The following FAT2 variants were observed in gnomAD, a reference collection of about 807,000 sequenced individuals.
The protein encoded by FAT2 is protocadherin Fat 2.
FAT2 carries 150 observed loss-of-function variants against 295.3 expected under a neutral mutation model. The observed-to-expected ratio is 0.51, with a 90% CI of 0.44 to 0.58. The LOEUF is 0.58. FAT2 is among the 20% of genes least tolerant of loss of function. The pLI is 0.00. For missense variants in FAT2, 4,868 were observed against 5,442.7 expected (o/e 0.89, Z 3.32); for synonymous variants, 2,026 against 2,150.3 (o/e 0.94, Z 1.60).
rs777675801 is a variant in FAT2, at chr5:151,542,635, TG to T, written c.8491del (p.Gln2831ArgfsTer2). ...GTCTGCAGACAGCCTGTAGCTCACC[TG>T]GCCATCTCTCCCAGTGTCCTTGTCA... ...AIDKDTGRDGQVSYRLSADPG... is the reference protein window; with the variant it reads ...AIDKDTGRDGXVSYRLSADPG... On this transcript the variant is annotated frameshift_variant, in exon 10 of 24. Coordinates refer to ENST00000261800, the MANE Select transcript of FAT2 (RefSeq NM_001447.3). LOFTEE classifies it high-confidence loss of function. 6.2e-7 allele frequency: 1 copy of T among 1,614,232 alleles called. No homozygotes were observed. Among genetic ancestry groups the T allele is most frequent in the Non-Finnish European group, 8.5e-7 (1 of 1,180,036 alleles).
chr5:151,522,544 C>T lies in FAT2; in HGVS notation c.10507-458G>A, dbSNP rs551829821. On this transcript the variant is annotated intron_variant, in intron 18 of 23. Transcript: ENST00000261800. ...TTTGCTATGCGATTGGAGTGGGAGTCGGGATTTGTCCTTCTAGTCAGTCAA... is the reference window on the plus strand; with the variant it reads ...TTTGCTATGCGATTGGAGTGGGAGTTGGGATTTGTCCTTCTAGTCAGTCAA... Among the ~76,000 whole-genome samples the T allele has an allele frequency of 1.1e-4, 17 of 152,260 alleles. No individual in the cohort carries two copies. The South Asian group carries it at 3.1e-3, about 28-fold the overall frequency.
At chr5:151,592,934 A>T (rs954910380), upstream of FAT2, among the ~76,000 whole-genome samples, 6 of 152,222 alleles carry the variant, frequency 3.9e-5, no homozygotes, top group African/African-American at 1.4e-4. Flanking sequence ...TGCTGCAGCC[A>T]CTGTGAGTTG....
chr5:151,573,177 G>T (rs1316093387), intron 1 of FAT2, among the ~76,000 whole-genome samples: 1 of 152,142 alleles, frequency 6.6e-6, no homozygotes. Context: ...GTGTGACCTT[G>T]GGCAAATGGC....
At chr5:151,581,144 C>T (rs1382107475) in intron 1 of FAT2, among the ~76,000 whole-genome samples, 1 of 152,152 alleles carries the variant, frequency 6.6e-6, no homozygotes, top group East Asian at 1.9e-4. Flanking sequence ...GGGCCCACTG[C>T]TGGTTGTGTG....
chr5:151,578,302 C>T (rs975574813), intron 1 of FAT2, among the ~76,000 whole-genome samples: 2 of 152,226 alleles, frequency 1.3e-5, no homozygotes. Context: ...CCAATGGAAT[C>T]CTTTGCAAAA....
chr5:151,538,090 GAGAC>G (rs1015209937), intron 11 of FAT2, 144 bp from the exon 12 acceptor site: 15 of 602,984 alleles, frequency 2.5e-5, no homozygotes, highest in Middle Eastern at 5.7e-4. Flanking sequence ...AAAAAGAACA[GAGAC>G]AGAGAGAGAG....
intron 22 of FAT2, among the ~76,000 whole-genome samples, chr5:151,508,563 A>G (rs1248104486): frequency 6.6e-6 from 1 of 152,138 alleles, no homozygotes; most frequent in Non-Finnish European, 1.5e-5. Context: ...TACAAAAATT[A>G]GCCAGGTGTT....
Position 151,545,211 on chromosome 5 carries a change from G to T in FAT2, c.5916C>A (p.Val1972=), listed in dbSNP as rs201060619. ...AGTTCTCCTTCACAGCTGCCCAGTA[G>T]ACATCCTGATCAAACTGCAAGCTTT... The part of the protein sequence containing the change: ...LDKSLQFDQD[V]YWAAVKENLQ... Residue 1972 remains valine, a synonymous_variant, in exon 10 of 24, where the codon GTC becomes GTA. Transcript: ENST00000261800. 1 of 1,614,214 alleles carries T rather than the reference G, an allele frequency of 6.2e-7. No homozygotes were observed. The highest frequency in any genetic ancestry group is 8.5e-7 in the Non-Finnish European group (1 of 1,180,036).
chr5:151,591,878 A>G (rs1216025628), upstream of FAT2, among the ~76,000 whole-genome samples: 1 of 152,220 alleles, frequency 6.6e-6, no homozygotes, highest in African/African-American at 2.4e-5. Context: ...AAAGGTTGCT[A>G]AGAAACCAGT....
intron 3 of FAT2, among the ~76,000 whole-genome samples, chr5:151,561,413 C>G (rs1758011298): frequency 6.6e-6 from 1 of 151,866 alleles, no homozygotes; most frequent in Non-Finnish European, 1.5e-5. Context: ...CTTTCTGAGA[C>G]AGGCTCTTGT....
chr5:151,579,153 T>C (rs1289841206), intron 1 of FAT2, among the ~76,000 whole-genome samples: 1 of 152,180 alleles, frequency 6.6e-6, no homozygotes, highest in Non-Finnish European at 1.5e-5. Context: ...GGCTCTCTGG[T>C]TGGAAGGCAA....
chr5:151,572,798 G>C (rs1758583673), intron 1 of FAT2, among the ~76,000 whole-genome samples: 1 of 152,242 alleles, frequency 6.6e-6, no homozygotes, highest in African/African-American at 2.4e-5. Flanking sequence ...GGTCCAGCCT[G>C]TGCCCCAACA....
intron 1 of FAT2, among the ~76,000 whole-genome samples, chr5:151,574,823 C>T (rs1357457431): frequency 1.6e-5 from 2 of 122,192 alleles, no homozygotes; most frequent in African/African-American, 5.9e-5. Flanking sequence ...GTCAGATTCT[C>T]ATATAACAAA....
upstream of FAT2, among the ~76,000 whole-genome samples, chr5:151,591,608 C>G (rs1374843496): frequency 6.6e-6 from 1 of 150,562 alleles, no homozygotes; most frequent in Non-Finnish European, 1.5e-5. Context: ...CACAAGGGAA[C>G]TAGAAAAGGT....
chr5:151,555,493 C>T (rs529801088), intron 4 of FAT2, among the ~76,000 whole-genome samples: 2 of 151,934 alleles, frequency 1.3e-5, no homozygotes, highest in South Asian at 4.2e-4. Flanking sequence ...CCTCAGCCTC[C>T]CCGGTAGCTG....
At chr5:151,592,073 C>T (rs1759432812), upstream of FAT2, among the ~76,000 whole-genome samples, 2 of 152,202 alleles carry the variant, frequency 1.3e-5, no homozygotes, top group African/African-American at 4.8e-5. Context: ...GTGTGCATCA[C>T]AAAGCACGGT....
At chr5:151,532,210 G>T (rs553991079) in intron 13 of FAT2, among the ~76,000 whole-genome samples, 1 of 152,184 alleles carries the variant, frequency 6.6e-6, no homozygotes, top group Non-Finnish European at 1.5e-5. Context: ...CAAACTATCC[G>T]AAAATATTAT....
chr5:151,539,090 G>T (rs1755828396), intron 11 of FAT2, among the ~76,000 whole-genome samples: 1 of 152,090 alleles, frequency 6.6e-6, no homozygotes, highest in South Asian at 2.1e-4. Flanking sequence ...GCATGGGGAG[G>T]ACAGAAGTTG....
At chr5:151,522,239 C>T (rs767807814) in intron 18 of FAT2, 153 bp from the exon 19 acceptor site, 38 of 597,168 alleles carry the variant, frequency 6.4e-5, no homozygotes, top group Non-Finnish European at 1.0e-4. Context: ...AAAAAAAAAC[C>T]TAACTCCAAA....
Sources: gnomAD v4.1 joint callset for allele counts (sites outside exome capture counted in the v4.1 genomes callset) on GRCh38, gnomAD v4.1.1 for gene constraint, MANE v1.5 for transcripts, NCBI Gene and HGNC (gene_info 2026-07-23, HGNC 2026-07-21) for gene names.